DYNC2H1: variants seen among roughly 807,000 people sequenced by gnomAD.
DYNC2H1 encodes the protein cytoplasmic dynein 2 heavy chain 1.
Under a neutral mutation model 570.0 loss-of-function variants are expected in DYNC2H1, and 410 were observed. The observed-to-expected ratio is 0.72, with a 90% CI of 0.66 to 0.78. The LOEUF (loss-of-function observed/expected upper bound fraction) is 0.78. Ranked by LOEUF, DYNC2H1 falls within the 30% of genes least tolerant of loss-of-function variation. The pLI, the probability that DYNC2H1 is intolerant of heterozygous loss-of-function variation, is 0.00. For synonymous variants in DYNC2H1, 1,688 were observed against 1,677.6 expected (o/e 1.01, Z -0.15); for missense variants, 4,865 against 5,046.4 (o/e 0.96, Z 1.09).
chr11:103,319,548 T>C lies in DYNC2H1; in HGVS notation c.11726-1481T>C, dbSNP rs1938053663. On this transcript the variant is annotated intron_variant, in intron 80 of 88. Transcript: ENST00000375735. This position sits in a 1 kb window ranked among gnomAD's most constrained non-coding sequence, Gnocchi z 4.3. ...CATTTAACATTTAGTACATTTAATA[T>C]GTGGAGTTAAGCTATCAGTAATTGT... Among the ~76,000 whole-genome samples, 1 of 152,194 alleles carries C rather than the reference T, an allele frequency of 6.6e-6. No homozygotes were observed. Among genetic ancestry groups the C allele is most frequent in the African/African-American group, 2.4e-5 (1 of 41,472 alleles).
At chr11:103,271,330 A>G (rs1473591365) in intron 70 of DYNC2H1, among the ~76,000 whole-genome samples, 2 of 152,204 alleles carry the variant, frequency 1.3e-5, no homozygotes, top group African/African-American at 4.8e-5. Flanking sequence ...GAGTTTTCTG[A>G]AAATACAGTT....
At chr11:103,452,799 A>AAG (rs1944657136) in intron 85 of DYNC2H1, among the ~76,000 whole-genome samples, 1 of 144,996 alleles carries the variant, frequency 6.9e-6, no homozygotes, top group Non-Finnish European at 1.5e-5. Flanking sequence ...TCTCCTCTAA[A>AAG]TAAGCTGTTT....
chr11:103,458,595 T>C (rs1944878888), intron 87 of DYNC2H1, among the ~76,000 whole-genome samples: 1 of 152,140 alleles, frequency 6.6e-6, no homozygotes, highest in Admixed American at 6.5e-5. Flanking sequence ...AGTACATTAG[T>C]TAACAGTTTA....
Position 103,334,166 on chromosome 11 carries a change from T to C in DYNC2H1, c.12039+10176T>C, listed in dbSNP as rs1938989105. The stretch of plus-strand genomic sequence containing the variant: ...TTTAATGATTTGAATGAAATCGAGA[T>C]ACAATAAAATCTTAATTTAAAATTT... On this transcript the variant is annotated intron_variant, in intron 82 of 88. Coordinates refer to ENST00000375735, the MANE Select transcript of DYNC2H1 (RefSeq NM_001377.3). This position sits in a 1 kb window ranked among gnomAD's most constrained non-coding sequence, Gnocchi z 4.3. 3.3e-5 allele frequency among the ~76,000 whole-genome samples: 5 copies of C among 152,194 alleles called. No homozygotes were observed. In the South Asian group the frequency reaches 6.2e-4, roughly 19 times the overall value.
At chr11:103,134,496 G>A (rs978847451) in intron 15 of DYNC2H1, 77 bp downstream of exon 15, 22 of 1,147,818 alleles carry the variant, frequency 1.9e-5, no homozygotes, top group Middle Eastern at 2.4e-4. Flanking sequence ...ATGAATTGCC[G>A]AGAAGTTCAT....
At chr11:103,152,407 C>T (rs1860606006) in intron 21 of DYNC2H1, 122 bp downstream of exon 21, 4 of 851,692 alleles carry the variant, frequency 4.7e-6, no homozygotes, top group Non-Finnish European at 6.9e-6. Context: ...TGAAATTGAC[C>T]TCCCTGACTA....
intron 70 of DYNC2H1, among the ~76,000 whole-genome samples, chr11:103,279,011 A>T (rs1396891702): frequency 1.3e-5 from 2 of 152,246 alleles, no homozygotes; most frequent in African/African-American, 2.4e-5. Context: ...TACTGTGTGG[A>T]TTAAAAACAT....
intron 17 of DYNC2H1, among the ~76,000 whole-genome samples, chr11:103,136,548 C>T (rs1202985606): frequency 6.6e-6 from 1 of 152,160 alleles, no homozygotes; most frequent in Non-Finnish European, 1.5e-5. Context: ...CTACAAAAGA[C>T]ATGAACTCAT....
chr11:103,430,669 T>C (rs1172964830), intron 84 of DYNC2H1, among the ~76,000 whole-genome samples: 1 of 152,136 alleles, frequency 6.6e-6, no homozygotes, highest in Non-Finnish European at 1.5e-5. Flanking sequence ...TTTTATGATG[T>C]CATCCTTAAG....
At chr11:103,235,628 A>T in intron 61 of DYNC2H1, 44 bp from the exon 62 acceptor site, 1 of 1,551,776 alleles carries the variant, frequency 6.4e-7, no homozygotes, top group Non-Finnish European at 8.7e-7. Context: ...TAATGTTAGA[A>T]CATACTCATA....
Position 103,187,548 on chromosome 11 carries a change from A to G in DYNC2H1, c.7102A>G (p.Lys2368Glu). The G allele has an allele frequency of 6.2e-7, 1 of 1,613,224 alleles. No homozygotes were observed. The highest frequency in any genetic ancestry group is 8.5e-7 in the Non-Finnish European group (1 of 1,179,416). The change falls in exon 43 of 89, where the codon AAA becomes GAA. Residue 2368 changes from lysine (K) to glutamate (E), a missense_variant. Physicochemically the swap from Lys to Glu is moderately conservative, Grantham distance 56 (BLOSUM62 1). This residue lies in a region of DYNC2H1 where 2,401 missense variants were observed against 2,454.6 expected (regional missense o/e 0.98). Coordinates refer to ENST00000375735, the MANE Select transcript of DYNC2H1 (RefSeq NM_001377.3). Reference sequence around the variant, plus strand: ...AGATATCAACCTACCTAAACTTGATAAATGGGGGACCAGTACTTTGGTAGC... The same window carrying G: ...AGATATCAACCTACCTAAACTTGATGAATGGGGGACCAGTACTTTGGTAGC... ...LKDINLPKLD[K>E]WGTSTLVAFL...
rs1348662458 is a variant in DYNC2H1, at chr11:103,286,558, T to G, written c.11022+172T>G. Among the ~76,000 whole-genome samples the G allele has an allele frequency of 2.0e-5, 3 of 152,170 alleles. No homozygotes were observed. The South Asian group carries it at 6.2e-4, about 32-fold the overall frequency. ...ATTGACAATTAAATCACGCCAAAGT[T>G]TCTGGGTCTGGTTTCTCTCTCACTG... On this transcript the variant is annotated intron_variant, in intron 74 of 88. Coordinates refer to ENST00000375735, the MANE Select transcript of DYNC2H1 (RefSeq NM_001377.3).
rs1027288801 is a variant in DYNC2H1 at position 103,129,618 on chromosome 11, A to T, written c.1953+613A>T. ...AGAATCACTTGAACCCAGGAGGTGG[A>T]GGTTGCAGTGGGTCGAGATCGTGCC... On this transcript the variant is annotated intron_variant, in intron 13 of 88. Transcript: ENST00000375735. This position sits in a 1 kb window ranked among gnomAD's most constrained non-coding sequence, Gnocchi z 4.1. Among the ~76,000 whole-genome samples, 2 of 150,166 alleles carry T rather than the reference A, an allele frequency of 1.3e-5. No homozygotes were observed. The highest frequency in any genetic ancestry group is 3.0e-5 in the Non-Finnish European group (2 of 67,662).
intron 21 of DYNC2H1, 134 bp downstream of exon 21, chr11:103,152,419 T>C: frequency 3.9e-6 from 3 of 761,446 alleles, no homozygotes; most frequent in Non-Finnish European, 6.0e-6. Context: ...CCCTGACTAC[T>C]TTTATAGTGA....
intron 82 of DYNC2H1, among the ~76,000 whole-genome samples, chr11:103,331,970 G>A (rs946140882): frequency 4.0e-5 from 6 of 151,814 alleles, no homozygotes; most frequent in Non-Finnish European, 5.9e-5. Context: ...TAAGGCAGGA[G>A]AATTGCTTGA....
intron 10 of DYNC2H1, 61 bp from the exon 11 acceptor site, chr11:103,122,760 CCTTA>C: frequency 7.1e-7 from 1 of 1,411,748 alleles, no homozygotes; most frequent in East Asian, 2.4e-5. Flanking sequence ...GAAGGGGACT[CCTTA>C]CTTTATGCTA....
chr11:103,211,951 A>G lies in DYNC2H1; in HGVS notation c.8694+8A>G, dbSNP rs564010045. The G allele has an allele frequency of 7.3e-6, 11 of 1,502,892 alleles. No individual in the cohort carries two copies. The highest frequency in any genetic ancestry group is 2.8e-5 in the African/African-American group (2 of 71,274). The allele number at this position is 1,502,892 out of a possible 1,614,324, so 93.1% of individuals were successfully genotyped here. A position where few individuals can be genotyped will look rare whatever the true frequency, so the allele number is the denominator to read the frequency against. ...AGACAAAGTCATTTGCAGGTATAGT[A>G]TTGGTAATCTTGAATTATTTTATCT... is the stretch of plus-strand genomic sequence containing the variant. On this transcript the variant is annotated splice_region_variant and intron_variant, in intron 54 of 88. Transcript: ENST00000375735.
intron 59 of DYNC2H1, among the ~76,000 whole-genome samples, chr11:103,223,491 G>A (rs1334489084): frequency 3.9e-5 from 6 of 152,000 alleles, no homozygotes; most frequent in East Asian, 3.9e-4. Flanking sequence ...AGGTTCAAGC[G>A]ATTCTCCTGT....
At chr11:103,136,708 C>G (rs1859578450) in intron 17 of DYNC2H1, among the ~76,000 whole-genome samples, 2 of 151,938 alleles carry the variant, frequency 1.3e-5, no homozygotes. Flanking sequence ...GTCTTTATAG[C>G]AGCATGATTT....
Sources: gnomAD v4.1 joint callset for allele counts (sites outside exome capture counted in the v4.1 genomes callset) on GRCh38, gnomAD v4.1.1 for gene constraint, gnomAD v4.1.1 regional missense constraint, Gnocchi (gnomAD v3.1) non-coding constraint, MANE v1.5 for transcripts, NCBI Gene and HGNC (gene_info 2026-07-23, HGNC 2026-07-21) for gene names.